The following MAP3K9 variants were observed in gnomAD, a reference collection of about 807,000 sequenced individuals.
The protein encoded by MAP3K9 is mitogen-activated protein kinase kinase kinase 9.
A neutral mutation model predicts 95.8 loss-of-function variants in MAP3K9; 46 were observed. That is an observed-to-expected ratio of 0.48 (90% CI 0.38 to 0.61). The LOEUF (loss-of-function observed/expected upper bound fraction) is 0.61, where lower values mean the gene tolerates loss of function less well. Among genes scored for constraint, MAP3K9 ranks in the 20% least tolerant of loss-of-function variants. The pLI, the probability that MAP3K9 is intolerant of heterozygous loss-of-function variation, is 0.00. For synonymous variants in MAP3K9, 533 were observed against 593.8 expected, an observed-to-expected ratio of 0.90 and a Z score of 1.49; for missense variants, 1,296 against 1,474.3, an observed-to-expected ratio of 0.88 and a Z score of 1.98.
At chr14:70,782,382 G>C (rs1261558361) in intron 2 of MAP3K9, among the ~76,000 whole-genome samples, 3 of 152,128 alleles carry the variant, frequency 2.0e-5, no homozygotes, top group Non-Finnish European at 2.9e-5. Flanking sequence ...AAACATTCCA[G>C]GCTCTGTGAC....
intron 2 of MAP3K9, among the ~76,000 whole-genome samples, chr14:70,766,589 T>C (rs1594790552): frequency 6.6e-6 from 1 of 152,238 alleles, no homozygotes. Flanking sequence ...ATGCTGTTTA[T>C]GTCCATCACT....
At chr14:70,776,312 T>C (rs775650521) in intron 2 of MAP3K9, among the ~76,000 whole-genome samples, 2 of 152,308 alleles carry the variant, frequency 1.3e-5, no homozygotes, top group South Asian at 4.1e-4. Flanking sequence ...CCAGGCATAA[T>C]TTAGGACAAA....
At chr14:70,766,895 A>G (rs776234006) in intron 2 of MAP3K9, among the ~76,000 whole-genome samples, 2 of 152,200 alleles carry the variant, frequency 1.3e-5, no homozygotes, top group Non-Finnish European at 2.9e-5. Flanking sequence ...TTCTTCCTTC[A>G]GCATCCAAAT....
Position 70,809,089 on chromosome 14 carries a change from C to A in MAP3K9, c.83G>T (p.Gly28Val). Residue 28 changes from glycine to valine, a missense_variant, in exon 1 of 12, where the codon GGG becomes GTG. Around this residue, in one of 5 missense-constraint regions of MAP3K9, gnomAD observed 338 missense variants for 363.4 expected, o/e 0.93. Transcript: ENST00000554752. ...CTCCTCCTCCTCCTCCTCCTCGGCCCCGGCCCCTGCTCCATCCTCCCCCGG... is the reference window on the plus strand; with the variant it reads ...CTCCTCCTCCTCCTCCTCCTCGGCCACGGCCCCTGCTCCATCCTCCCCCGG... ...APPGEDGAGA[G>V]AEEEEEEEEE... 7.0e-7 allele frequency: 1 copy of A among 1,427,376 alleles called. No individual in the cohort carries two copies. Among genetic ancestry groups the A allele is most frequent in the Admixed American group, 2.8e-5 (1 of 35,678 alleles). The allele number at this position is 1,427,376 out of a possible 1,614,324, so 88.4% of individuals were successfully genotyped here.
chr14:70,783,540 A>G (rs878878104), intron 2 of MAP3K9: 1 of 292,428 alleles, frequency 3.4e-6, no homozygotes, highest in Non-Finnish European at 5.1e-6. Flanking sequence ...TCTCTTTGTG[A>G]GGTGGGCGAA....
chr14:70,761,220 G>C, intron 2 of MAP3K9, 38 bp from the exon 3 acceptor site: 4 of 1,528,436 alleles, frequency 2.6e-6, no homozygotes, highest in Non-Finnish European at 3.6e-6. Context: ...ACCAGAGTCT[G>C]CATTAATCAC....
At chr14:70,808,629 C>T in intron 1 of MAP3K9, 137 bp downstream of exon 1, 1 of 510,138 alleles carries the variant, frequency 2.0e-6, no homozygotes, top group Non-Finnish European at 3.3e-6. Flanking sequence ...CCTAAGCGCG[C>T]GCCACCCACA....
At chr14:70,733,896 C>T in intron 10 of MAP3K9, 2 of 694,290 alleles carry the variant, frequency 2.9e-6, no homozygotes, top group South Asian at 3.1e-5. Context: ...CTCCTCTTGC[C>T]CTTGGAAATC....
At chr14:70,738,216 G>A (rs201922959) in intron 8 of MAP3K9, 29 bp downstream of exon 8, 3 of 1,581,290 alleles carry the variant, frequency 1.9e-6, no homozygotes, top group Non-Finnish European at 8.6e-7. Context: ...CTTCAAGAGA[G>A]AAAGAATTTC....
intron 2 of MAP3K9, among the ~76,000 whole-genome samples, chr14:70,792,680 C>T (rs74065431): frequency 0.026 from 3,924 of 152,332 alleles, 182 homozygotes; most frequent in African/African-American, 0.089. Flanking sequence ...ATGGGCTCTA[C>T]CATGCGTGCA....
chr14:70,790,108 C>T (rs938924219), intron 2 of MAP3K9, among the ~76,000 whole-genome samples: 13 of 152,320 alleles, frequency 8.5e-5, no homozygotes, highest in African/African-American at 3.1e-4. Flanking sequence ...TATTGTGAAT[C>T]TCCAGGATGG....
intron 2 of MAP3K9, chr14:70,783,392 C>G (rs2054707324): frequency 2.0e-6 from 2 of 985,312 alleles, no homozygotes; most frequent in South Asian, 9.4e-5. Context: ...ATTCCATCCA[C>G]TGTCCTTATA....
At chr14:70,738,439 A>C in intron 7 of MAP3K9, 41 bp from the exon 8 acceptor site, 4 of 1,598,814 alleles carry the variant, frequency 2.5e-6, no homozygotes, top group Non-Finnish European at 3.4e-6. Flanking sequence ...GAAAATGGAC[A>C]GACAGGGCTC....
chr14:70,758,363 A>G (rs2054324694), intron 3 of MAP3K9, among the ~76,000 whole-genome samples: 1 of 152,220 alleles, frequency 6.6e-6, no homozygotes, highest in African/African-American at 2.4e-5. Context: ...AAGGATAGAC[A>G]TAATAATAAC....
At chr14:70,753,668 C>G (rs1173567613) in intron 3 of MAP3K9, among the ~76,000 whole-genome samples, 1 of 152,124 alleles carries the variant, frequency 6.6e-6, no homozygotes. Context: ...TGAGTACCTC[C>G]CCGCAACACA....
chr14:70,730,932 TCCC>T (rs997957975), intron 11 of MAP3K9, 68 bp from the exon 12 acceptor site: 1 of 1,475,104 alleles, frequency 6.8e-7, no homozygotes, highest in African/African-American at 1.4e-5. Flanking sequence ...TATCCGCTAC[TCCC>T]CCCCAACACC....
At chr14:70,732,094 A>G (rs2053912317) in intron 11 of MAP3K9, among the ~76,000 whole-genome samples, 1 of 152,188 alleles carries the variant, frequency 6.6e-6, no homozygotes, top group Non-Finnish European at 1.5e-5. Context: ...GTGTGAACTA[A>G]TGCTATAATG....
In MAP3K9 at chr14:70,725,276, A is replaced by G. The variant is rs1350019876; in HGVS notation, c.*5104T>C. 2 of 152,278 alleles carry G rather than the reference A, an allele frequency of 1.3e-5. No homozygotes were observed. Among genetic ancestry groups the G allele is most frequent in the Non-Finnish European group, 1.5e-5 (1 of 68,086 alleles). The allele number at this position is 152,278 out of a possible 1,614,324, so 9.4% of individuals were successfully genotyped here. ...AAAGCCAGGGCTCCCTAGGCAGCCT[A>G]CAGAGGCCCCCGTACTTCCAGGGCC... On this transcript the variant is annotated 3_prime_UTR_variant, in exon 12 of 12. Coordinates refer to ENST00000554752, the MANE Select transcript of MAP3K9 (RefSeq NM_001284230.2).
intron 2 of MAP3K9, among the ~76,000 whole-genome samples, chr14:70,780,062 T>C (rs946462759): frequency 2.0e-5 from 3 of 152,196 alleles, no homozygotes; most frequent in Non-Finnish European, 4.4e-5. Flanking sequence ...ACTAGGGTGA[T>C]AGTTTGAACC....
Sources: gnomAD v4.1 joint callset for allele counts (sites outside exome capture counted in the v4.1 genomes callset) on GRCh38, gnomAD v4.1.1 for gene constraint, gnomAD v4.1.1 regional missense constraint, MANE v1.5 for transcripts, NCBI Gene and HGNC (gene_info 2026-07-23, HGNC 2026-07-21) for gene names.